Variants in MTA1 observed in about 807,000 individuals in gnomAD.
MTA1 encodes the protein metastasis associated 1, also known as metastasis-associated protein MTA1.
Under a neutral mutation model 97.0 loss-of-function variants are expected in MTA1, and 15 were observed. That is an observed-to-expected ratio of 0.15 (90% CI 0.10 to 0.24). The LOEUF (loss-of-function observed/expected upper bound fraction) is 0.24. Among genes scored for constraint, MTA1 ranks in the 10% least tolerant of loss-of-function variants. The pLI is 1.00. For synonymous variants in MTA1, 435 were observed against 417.5 expected (o/e 1.04, Z -0.51); for missense variants, 709 against 1,015.1 (o/e 0.70, Z 4.10).
intron 10 of MTA1, among the ~76,000 whole-genome samples, chr14:105,461,914 C>A (rs1168738260): frequency 6.6e-6 from 1 of 152,198 alleles, no homozygotes; most frequent in Non-Finnish European, 1.5e-5. Context: ...TAAAAACAAA[C>A]CAAGATGAGC....
At chr14:105,442,369 C>T (rs922188668) in intron 2 of MTA1, among the ~76,000 whole-genome samples, 9 of 152,216 alleles carry the variant, frequency 5.9e-5, no homozygotes, top group Non-Finnish European at 1.0e-4. Context: ...AGGTTCCTCC[C>T]GCCCAGGAAG....
intron 6 of MTA1, among the ~76,000 whole-genome samples, 192 bp from the exon 7 acceptor site, chr14:105,454,001 C>T (rs183466983): frequency 1.8e-3 from 279 of 152,286 alleles, no homozygotes; most frequent in African/African-American, 6.0e-3. Context: ...CTCGAGGCCC[C>T]GCTGTAGGCT....
rs587593817 is a variant in MTA1 at position 105,430,658 on chromosome 14, G to A, written c.29-8014G>A. 1.1e-4 allele frequency among the ~76,000 whole-genome samples: 16 copies of A among 152,262 alleles called. No individual in the cohort carries two copies. The South Asian group carries it at 3.3e-3, about 32-fold the overall frequency. On this transcript the variant is annotated intron_variant, in intron 1 of 20. Coordinates refer to ENST00000331320, the MANE Select transcript of MTA1 (RefSeq NM_004689.4). Reference sequence around the variant, plus strand: ...AAAGCATCATCAAGCTAAGCATGATGCCCGTGTAGATGTTTGGGAAATAAT... The same window carrying A: ...AAAGCATCATCAAGCTAAGCATGATACCCGTGTAGATGTTTGGGAAATAAT...
intron 7 of MTA1, 52 bp downstream of exon 7, chr14:105,454,362 G>C: frequency 7.6e-7 from 1 of 1,307,660 alleles, no homozygotes; most frequent in East Asian, 2.3e-5. Context: ...CTGTCCTGCC[G>C]GGTGACACAC....
At chr14:105,467,522 G>A in intron 18 of MTA1, 2 of 455,492 alleles carry the variant, frequency 4.4e-6, no homozygotes, top group South Asian at 1.6e-5. Flanking sequence ...TGTGGGGTCA[G>A]CACGCCGGCT....
chr14:105,468,027 C>A, intron 18 of MTA1: 1 of 325,124 alleles, frequency 3.1e-6, no homozygotes, highest in Non-Finnish European at 6.1e-6. Flanking sequence ...AGGGGTCAGC[C>A]ACAGAGGAAG....
chr14:105,426,835 AT>A (rs1370039984), intron 1 of MTA1, among the ~76,000 whole-genome samples: 1 of 152,214 alleles, frequency 6.6e-6, no homozygotes, highest in African/African-American at 2.4e-5. Flanking sequence ...CCCCTGCAGC[AT>A]TTGGGACGTT....
At chr14:105,421,028 C>T (rs1326487177) in intron 1 of MTA1, among the ~76,000 whole-genome samples, 1 of 152,226 alleles carries the variant, frequency 6.6e-6, no homozygotes, top group African/African-American at 2.4e-5. Context: ...CCCGAGTGCC[C>T]AGAACACTCT....
chr14:105,419,860 G>T lies in MTA1; in HGVS notation c.-176G>T. 6.5e-6 allele frequency: 1 copy of T among 154,278 alleles called. No homozygotes were observed. The highest frequency in any genetic ancestry group is 1.3e-5 in the Non-Finnish European group (1 of 77,000). The allele number at this position is 154,278 out of a possible 1,614,324, so 9.6% of individuals were successfully genotyped here. A position where few individuals can be genotyped will look rare whatever the true frequency, so the allele number is the denominator to read the frequency against. The stretch of plus-strand genomic sequence containing the variant: ...CTCCCGCCCGCGCCGCGGCCCTCCC[G>T]TCCCTGCGCGGCCTCGGCGGCCTCG... On this transcript the variant is annotated 5_prime_UTR_variant, in exon 1 of 21. Coordinates refer to ENST00000331320, the MANE Select transcript of MTA1 (RefSeq NM_004689.4).
At chr14:105,431,344 A>G (rs1379761286) in intron 1 of MTA1, among the ~76,000 whole-genome samples, 1 of 152,094 alleles carries the variant, frequency 6.6e-6, no homozygotes, top group Non-Finnish European at 1.5e-5. Context: ...ATTTACAGGC[A>G]TGAGCCACTG....
chr14:105,463,389 G>GTCCTCTCCGTGGTGCTC lies in MTA1; in HGVS notation c.1018-93_1018-77dup. Reference sequence around the variant, plus strand: ...AGACTCCTGAGTCCCTGGCCCGGCTGTCCTCTCCGTGGTGCTCTCCTCTCC... The same window carrying GTCCTCTCCGTGGTGCTC: ...AGACTCCTGAGTCCCTGGCCCGGCTGTCCTCTCCGTGGTGCTCTCCTCTCCGTGGTGCTCTCCTCTCC... On this transcript the variant is annotated intron_variant, in intron 11 of 20. Coordinates refer to ENST00000331320, the MANE Select transcript of MTA1 (RefSeq NM_004689.4). This position sits in a 1 kb window ranked among gnomAD's most constrained non-coding sequence, Gnocchi z 5.9. 4.7e-6 allele frequency: 7 copies of GTCCTCTCCGTGGTGCTC among 1,502,802 alleles called. No individual in the cohort carries two copies. Among genetic ancestry groups the GTCCTCTCCGTGGTGCTC allele is most frequent in the Non-Finnish European group, 6.5e-6 (7 of 1,082,864 alleles). 93.1% of individuals were successfully genotyped at this position (1,502,802 alleles called of 1,614,324 possible). A position where few individuals can be genotyped will look rare whatever the true frequency, so the allele number is the denominator to read the frequency against.
Position 105,454,241 on chromosome 14 carries a change from C to T in MTA1, c.481C>T (p.Leu161=). The change falls in exon 7 of 21, where the codon CTG becomes TTG. Residue 161 remains leucine (L), a synonymous_variant. Transcript: ENST00000331320. ...CTACGACCCACAGCAGAAGACCCTG[C>T]TGGCAGATAAAGGAGAGATTCGAGT... is the stretch of plus-strand genomic sequence containing the variant. ...LVYDPQQKTL[L]ADKGEIRVGN... 6.2e-7 allele frequency: 1 copy of T among 1,613,714 alleles called. No individual in the cohort carries two copies. Among genetic ancestry groups the T allele is most frequent in the Non-Finnish European group, 8.5e-7 (1 of 1,179,748 alleles).
At chr14:105,438,138 A>G (rs1223073288) in intron 1 of MTA1, among the ~76,000 whole-genome samples, 1 of 152,054 alleles carries the variant, frequency 6.6e-6, no homozygotes, top group East Asian at 1.9e-4. Flanking sequence ...GGAAGCCCCA[A>G]CTGTGTTCTC....
intron 3 of MTA1, among the ~76,000 whole-genome samples, chr14:105,447,665 C>T (rs1304767102): frequency 6.6e-6 from 1 of 152,110 alleles, no homozygotes; most frequent in Non-Finnish European, 1.5e-5. Context: ...TGGAAAGCTG[C>T]GTGGCGGCCC....
rs2083746085 is a variant in MTA1 at position 105,469,580 on chromosome 14, T to C, written c.1845+82T>C. 3.3e-6 allele frequency: 5 copies of C among 1,499,612 alleles called. No individual in the cohort carries two copies. The South Asian group carries it at 5.7e-5, about 17-fold the overall frequency. 92.9% of individuals were successfully genotyped at this position (1,499,612 alleles called of 1,614,324 possible). On this transcript the variant is annotated intron_variant, in intron 19 of 20. Transcript: ENST00000331320. ...TGTTGGGAAGAGGCCTGGCCAGCCCTGCCAGGTGCCACGTGGAAGCTTCCA... is the reference window on the plus strand; with the variant it reads ...TGTTGGGAAGAGGCCTGGCCAGCCCCGCCAGGTGCCACGTGGAAGCTTCCA...
At position 105,445,399 on chromosome 14, in the gene MTA1, C is replaced by T; in HGVS notation, c.97-19C>T. On this transcript the variant is annotated intron_variant, in intron 2 of 20. Transcript: ENST00000331320. ...GGGTTTGGTCGCGTTTCTCAGACGCCCCTGCCTTGCTGTTACAGACGGCCA... is the reference window on the plus strand; with the variant it reads ...GGGTTTGGTCGCGTTTCTCAGACGCTCCTGCCTTGCTGTTACAGACGGCCA... 1 of 1,612,000 alleles carries T rather than the reference C, an allele frequency of 6.2e-7. No individual in the cohort carries two copies. The highest frequency in any genetic ancestry group is 8.5e-7 in the Non-Finnish European group (1 of 1,178,840).
intron 7 of MTA1, among the ~76,000 whole-genome samples, chr14:105,455,806 G>C (rs940437668): frequency 2.0e-5 from 3 of 152,244 alleles, no homozygotes; most frequent in Non-Finnish European, 4.4e-5. Flanking sequence ...GCTTGGCAGT[G>C]GGGGAAGACC....
In MTA1 at chr14:105,466,792, C is replaced by CCTGTG. The variant is rs2141702336; in HGVS notation, c.1813+59_1813+63dup. On this transcript the variant is annotated intron_variant, in intron 18 of 20. Coordinates refer to ENST00000331320, the MANE Select transcript of MTA1 (RefSeq NM_004689.4). Reference sequence around the variant, plus strand: ...CGCTGCGCCGGCCCCGCCCGTGATGCCTGTGCTGTGCTGCTCTGTGTCCCC... The same window carrying CCTGTG: ...CGCTGCGCCGGCCCCGCCCGTGATGCCTGTGCTGTGCTGTGCTGCTCTGTGTCCCC... 3.9e-6 allele frequency: 6 copies of CCTGTG among 1,542,882 alleles called. No homozygotes were observed. The East Asian group carries it at 1.2e-4, about 31-fold the overall frequency.
At chr14:105,443,146 C>T (rs916342903) in intron 2 of MTA1, among the ~76,000 whole-genome samples, 1 of 152,142 alleles carries the variant, frequency 6.6e-6, no homozygotes, top group African/African-American at 2.4e-5. Context: ...GAGAACCCGG[C>T]GGCCAGGGTA....
Sources: gnomAD v4.1 joint callset for allele counts (sites outside exome capture counted in the v4.1 genomes callset) on GRCh38, gnomAD v4.1.1 for gene constraint, Gnocchi (gnomAD v3.1) non-coding constraint, MANE v1.5 for transcripts, NCBI Gene and HGNC (gene_info 2026-07-23, HGNC 2026-07-21) for gene names.